The following EXOC6B variants were observed in gnomAD, a reference collection of about 807,000 sequenced individuals.
The protein encoded by EXOC6B is exocyst complex component 6B.
In EXOC6B, 54 loss-of-function variants were observed where a neutral mutation model predicts 113.5. That is an observed-to-expected ratio of 0.48 (90% CI 0.38 to 0.60). The LOEUF (loss-of-function observed/expected upper bound fraction) is 0.60. Ranked by LOEUF, EXOC6B falls within the 20% of genes least tolerant of loss-of-function variation. EXOC6B has a pLI of 0.00. For missense variants in EXOC6B, 797 were observed against 977.5 expected, an observed-to-expected ratio of 0.82 and a Z score of 2.46; for synonymous variants, 357 against 339.0, an observed-to-expected ratio of 1.05 and a Z score of -0.58.
In EXOC6B at chr2:72,459,097, A is replaced by T. The variant is rs552809583; in HGVS notation, c.1980+6063T>A. On this transcript the variant is annotated intron_variant, in intron 18 of 21. Transcript: ENST00000272427. ...ACCCAGCATATAAACAGAACCAAAG[A>T]CAAAAACCACATGATTATCTCAATA... Among the ~76,000 whole-genome samples, 11 of 152,316 alleles carry T rather than the reference A, an allele frequency of 7.2e-5. No individual in the cohort carries two copies. In the South Asian group the frequency reaches 2.3e-3, roughly 32 times the overall value.
At chr2:72,755,464 G>T (rs139237035) in intron 1 of EXOC6B, among the ~76,000 whole-genome samples, 19 of 152,154 alleles carry the variant, frequency 1.2e-4, no homozygotes, top group African/African-American at 4.6e-4. Flanking sequence ...GCATTATAAA[G>T]TGACAAAGAG....
At chr2:72,549,772 GA>G (rs1362458013) in intron 8 of EXOC6B, among the ~76,000 whole-genome samples, 8 of 152,098 alleles carry the variant, frequency 5.3e-5, no homozygotes, top group African/African-American at 1.9e-4. Flanking sequence ...AAGACACAAA[GA>G]AAAGTGGGAC....
Position 72,457,032 on chromosome 2 carries a change from G to T in EXOC6B, c.1980+8128C>A, listed in dbSNP as rs182612231. Reference sequence around the variant, plus strand: ...GGGGGGAAAAAAAAAAAAGACCCAGGGTAGAAAACAGTTGGGTGTGCTTAA... The same window carrying T: ...GGGGGGAAAAAAAAAAAAGACCCAGTGTAGAAAACAGTTGGGTGTGCTTAA... On this transcript the variant is annotated intron_variant, in intron 18 of 21. Transcript: ENST00000272427. Among the ~76,000 whole-genome samples, 73 of 151,820 alleles carry T rather than the reference G, an allele frequency of 4.8e-4. 1 individual carries two copies. The East Asian group carries it at 0.013, about 27-fold the overall frequency.
chr2:72,332,985 A>C (rs1688495008), intron 20 of EXOC6B, among the ~76,000 whole-genome samples: 1 of 152,166 alleles, frequency 6.6e-6, no homozygotes, highest in African/African-American at 2.4e-5. Flanking sequence ...CTACAGACCA[A>C]GAACTAAAGA....
chr2:72,181,065 C>T lies in EXOC6B; in HGVS notation c.2310-1604G>A, dbSNP rs538997651. Among the ~76,000 whole-genome samples, 20 of 151,970 alleles carry T rather than the reference C, an allele frequency of 1.3e-4. No individual in the cohort carries two copies. The East Asian group carries it at 1.9e-3, about 15-fold the overall frequency. On this transcript the variant is annotated intron_variant, in intron 21 of 21. Coordinates refer to ENST00000272427, the MANE Select transcript of EXOC6B (RefSeq NM_015189.3). ...TCTACTAAAAATCCAGAAAGTAGGC[C>T]GGGTGTGGTGGCAGGTGCCTGTAGT...
chr2:72,738,680 A>G (rs1002190998), intron 2 of EXOC6B, among the ~76,000 whole-genome samples: 10 of 152,188 alleles, frequency 6.6e-5, no homozygotes, highest in African/African-American at 2.4e-4. Context: ...CGCACTATTG[A>G]GATTCTTTAA....
At chr2:72,443,531 C>T (rs1486534443) in intron 18 of EXOC6B, among the ~76,000 whole-genome samples, 1 of 152,050 alleles carries the variant, frequency 6.6e-6, no homozygotes, top group Non-Finnish European at 1.5e-5. Flanking sequence ...CCCTTTCTTA[C>T]AACATGTATT....
chr2:72,380,440 C>T (rs540677305), intron 18 of EXOC6B, among the ~76,000 whole-genome samples: 61 of 152,172 alleles, frequency 4.0e-4, no homozygotes, highest in African/African-American at 1.5e-3. Flanking sequence ...GAGATCGAGA[C>T]CATCCTGGCT....
chr2:72,385,305 C>G (rs576828430), intron 18 of EXOC6B, among the ~76,000 whole-genome samples: 1 of 151,716 alleles, frequency 6.6e-6, no homozygotes, highest in African/African-American at 2.4e-5. Flanking sequence ...GACATCCACA[C>G]GCATAAGAAT....
intron 19 of EXOC6B, among the ~76,000 whole-genome samples, chr2:72,370,778 C>T (rs879194422): frequency 5.3e-5 from 8 of 151,374 alleles, no homozygotes; most frequent in South Asian, 2.1e-4. Context: ...AACCAAACAC[C>T]GCATGTTCTC....
At chr2:72,209,243 A>AGAAAAG (rs200465533) in intron 20 of EXOC6B, among the ~76,000 whole-genome samples, 4 of 110,674 alleles carry the variant, frequency 3.6e-5, no homozygotes, top group African/African-American at 1.1e-4. Context: ...AAAAAAAAAA[A>AGAAAAG]AAAAGAAAAG....
At chr2:72,769,437 A>C (rs554002366) in intron 1 of EXOC6B, among the ~76,000 whole-genome samples, 1 of 152,374 alleles carries the variant, frequency 6.6e-6, no homozygotes, top group South Asian at 2.1e-4. Context: ...AGCAGTGTCA[A>C]GGAAGTGATA....
At chr2:72,266,229 C>T (rs1353637305) in intron 20 of EXOC6B, among the ~76,000 whole-genome samples, 1 of 150,664 alleles carries the variant, frequency 6.6e-6, no homozygotes, top group Non-Finnish European at 1.5e-5. Context: ...ATGGTAGTTT[C>T]TTTTGCTGTG....
intron 18 of EXOC6B, among the ~76,000 whole-genome samples, chr2:72,448,801 G>A (rs1466857754): frequency 6.6e-6 from 1 of 152,156 alleles, no homozygotes; most frequent in Admixed American, 6.5e-5. Context: ...CAAACAACTA[G>A]ACAGGAAACT....
chr2:72,189,225 T>C lies in EXOC6B; in HGVS notation c.2197-5038A>G, dbSNP rs551742863. Reference sequence around the variant, plus strand: ...AGTTTCCTTTAATCTGGAATATTTATACAACCTTTCTTTTTCTTATATGAT... The same window carrying C: ...AGTTTCCTTTAATCTGGAATATTTACACAACCTTTCTTTTTCTTATATGAT... On this transcript the variant is annotated intron_variant, in intron 20 of 21. Coordinates refer to ENST00000272427, the MANE Select transcript of EXOC6B (RefSeq NM_015189.3). 2.2e-4 allele frequency among the ~76,000 whole-genome samples: 34 copies of C among 152,346 alleles called. 1 individual carries two copies. The South Asian group carries it at 7.0e-3, about 32-fold the overall frequency.
intron 20 of EXOC6B, among the ~76,000 whole-genome samples, chr2:72,186,381 C>T (rs1678436624): frequency 6.6e-6 from 1 of 152,218 alleles, no homozygotes; most frequent in African/African-American, 2.4e-5. Flanking sequence ...CTCCACTTTA[C>T]TTGCTTCCTG....
intron 18 of EXOC6B, among the ~76,000 whole-genome samples, chr2:72,387,782 A>G (rs2105097319): frequency 6.6e-6 from 1 of 151,692 alleles, no homozygotes; most frequent in South Asian, 2.1e-4. Context: ...ATAGTGTTTT[A>G]TTTCTTCCAC....
chr2:72,183,281 G>A (rs1678208794), intron 21 of EXOC6B, among the ~76,000 whole-genome samples: 1 of 152,182 alleles, frequency 6.6e-6, no homozygotes, highest in South Asian at 2.1e-4. Flanking sequence ...CAGATTTCAA[G>A]AGAAACCTGC....
intron 20 of EXOC6B, among the ~76,000 whole-genome samples, chr2:72,270,396 A>G (rs1447629300): frequency 6.6e-6 from 1 of 152,108 alleles, no homozygotes; most frequent in Non-Finnish European, 1.5e-5. Flanking sequence ...TCCAAGTCTC[A>G]CTTCTCTCTA....
Sources: allele counts gnomAD v4.1 joint callset (sites outside exome capture counted in the v4.1 genomes callset), GRCh38; gene constraint gnomAD v4.1.1; transcripts MANE v1.5; gene names NCBI Gene and HGNC (gene_info 2026-07-23, HGNC 2026-07-21).